The following SIRPG variants were observed in gnomAD, a reference collection of about 807,000 sequenced individuals.
SIRPG encodes the protein signal-regulatory protein gamma.
In SIRPG, 38 loss-of-function variants were observed where a neutral mutation model predicts 35.7. The observed-to-expected ratio is 1.06, with a 90% CI of 0.82 to 1.40. The LOEUF is 1.40. Among genes scored for constraint, SIRPG ranks in the 40% most tolerant of loss-of-function variants. The pLI is 0.00. For synonymous variants in SIRPG, 215 were observed against 190.4 expected, an observed-to-expected ratio of 1.13 and a Z score of -1.06; for missense variants, 519 against 483.0, an observed-to-expected ratio of 1.07 and a Z score of -0.70.
rs948536023 is a variant in SIRPG, at chr20:1,649,223, T to G, written c.259A>C (p.Arg87=). The G allele has an allele frequency of 1.9e-6, 3 of 1,614,056 alleles. No homozygotes were observed. In the African/African-American group the frequency reaches 4.0e-5, roughly 22 times the overall value. Residue 87 remains arginine, a synonymous_variant, in exon 2 of 6, where the codon AGG becomes CGG. Coordinates refer to ENST00000303415, the MANE Select transcript of SIRPG (RefSeq NM_018556.4). Reference sequence around the variant, plus strand: ...GTGAGGTCTGAAACTGTTGTTACCCTGGGGAAGTGGCCTTCTTTTTGATTG... The same window carrying G: ...GTGAGGTCTGAAACTGTTGTTACCCGGGGGAAGTGGCCTTCTTTTTGATTG... ...IYNQKEGHFP[R]VTTVSDLTKR...
At chr20:1,632,168 A>T (rs902989894) in intron 4 of SIRPG, among the ~76,000 whole-genome samples, 1 of 152,192 alleles carries the variant, frequency 6.6e-6, no homozygotes, top group African/African-American at 2.4e-5. Context: ...TCTTCGGTTG[A>T]CTTAAGAGTT....
the SIRPG span, among the ~76,000 whole-genome samples, chr20:1,664,204 C>A: frequency 6.6e-6 from 1 of 152,342 alleles, no homozygotes; most frequent in East Asian, 1.9e-4. Flanking sequence ...GACTCAAACA[C>A]CTCCCATCAG....
rs766529319 is a variant in SIRPG, at chr20:1,630,266, G to T, written c.1122C>A (p.Val374=). The T allele has an allele frequency of 5.7e-6, 9 of 1,574,796 alleles. No homozygotes were observed. The highest frequency in any genetic ancestry group is 6.9e-6 in the Non-Finnish European group (8 of 1,159,498). ...AGGGGACGTAGATGGGGCCCAGGAG[G>T]ACAGCTATGAGGAGCAGCGCAGTAA... ...SSLTALLLIA[V]LLGPIYVPWK... The change falls in exon 5 of 6, where the codon GTC becomes GTA. Residue 374 remains valine (V), a synonymous_variant. Coordinates refer to ENST00000303415, the MANE Select transcript of SIRPG (RefSeq NM_018556.4).
chr20:1,668,050 A>T, the SIRPG span, among the ~76,000 whole-genome samples: 1 of 152,204 alleles, frequency 6.6e-6, no homozygotes, highest in African/African-American at 2.4e-5. Context: ...CATGTTAAGG[A>T]AATTGAATTG....
the SIRPG span, among the ~76,000 whole-genome samples, chr20:1,672,983 T>C: frequency 1.3e-5 from 2 of 152,216 alleles, no homozygotes; most frequent in Non-Finnish European, 2.9e-5. Flanking sequence ...AGCACACAGA[T>C]TAGAGAATCA....
intron 2 of SIRPG, among the ~76,000 whole-genome samples, chr20:1,639,574 C>T (rs544512040): frequency 6.6e-6 from 1 of 152,124 alleles, no homozygotes; most frequent in African/African-American, 2.4e-5. Flanking sequence ...TGTAGGTTGC[C>T]TGTTCACTCT....
At position 1,657,631 on chromosome 20, in the gene SIRPG, G is replaced by A. The variant is rs2091983206; in HGVS notation, c.73+11C>T. 12 of 1,613,886 alleles carry A rather than the reference G, an allele frequency of 7.4e-6. No individual in the cohort carries two copies. The highest frequency in any genetic ancestry group is 1.0e-5 in the Non-Finnish European group (12 of 1,179,766). On this transcript the variant is annotated intron_variant, in intron 1 of 5. Coordinates refer to ENST00000303415, the MANE Select transcript of SIRPG (RefSeq NM_018556.4). Reference sequence around the variant, plus strand: ...CAGGGAGAAAGGGTTCTAGCCCAATGCAATGCTCACCTGTAAGTCCCAGCA... The same window carrying A: ...CAGGGAGAAAGGGTTCTAGCCCAATACAATGCTCACCTGTAAGTCCCAGCA...
chr20:1,656,293 A>G (rs1326451834), intron 1 of SIRPG, among the ~76,000 whole-genome samples: 1 of 152,348 alleles, frequency 6.6e-6, no homozygotes, highest in Middle Eastern at 3.4e-3. Context: ...GGGGACAATG[A>G]ACAGGTTCCT....
chr20:1,681,656 C>A, the SIRPG span, among the ~76,000 whole-genome samples: 1 of 151,236 alleles, frequency 6.6e-6, no homozygotes, highest in Admixed American at 6.6e-5. Context: ...CATGGCAAAA[C>A]CCTGTCTCTA....
At chr20:1,665,322 T>C in the SIRPG span, 20 of 169,920 alleles carry the variant, frequency 1.2e-4, no homozygotes, top group Middle Eastern at 1.1e-3. Context: ...GGCAGAGACA[T>C]CAACCCCCAG....
chr20:1,659,684 A>G (rs1399555816), upstream of SIRPG, among the ~76,000 whole-genome samples: 1 of 152,232 alleles, frequency 6.6e-6, no homozygotes, highest in East Asian at 1.9e-4. Flanking sequence ...CCCGGCTTTT[A>G]GAACTGGAAC....
Position 1,650,767 on chromosome 20 carries a change from C to T in SIRPG, c.74-1359G>A, listed in dbSNP as rs149956344. On this transcript the variant is annotated intron_variant, in intron 1 of 5. Coordinates refer to ENST00000303415, the MANE Select transcript of SIRPG (RefSeq NM_018556.4). ...CAAATTTAAAGACACTGAAGAAATG[C>T]AAGTTTAACTCAAGGATAGAATCTG... Among the ~76,000 whole-genome samples the T allele has an allele frequency of 4.1e-3, 624 of 152,240 alleles. 1 individual carries two copies. Among genetic ancestry groups the T allele is most frequent in the African/African-American group, 0.014 (588 of 41,544 alleles).
In SIRPG at chr20:1,629,925, C is replaced by T. The variant is rs1381477320; in HGVS notation, c.*3-289G>A. Among the ~76,000 whole-genome samples the T allele has an allele frequency of 3.3e-5, 5 of 152,156 alleles. No homozygotes were observed. The South Asian group carries it at 8.3e-4, about 25-fold the overall frequency. Reference sequence around the variant, plus strand: ...GGATTTCTCTGACCCCATGGAGTCCCAGCATTCAAATAATCTACAGATAGC... The same window carrying T: ...GGATTTCTCTGACCCCATGGAGTCCTAGCATTCAAATAATCTACAGATAGC... On this transcript the variant is annotated intron_variant, in intron 5 of 5. Transcript: ENST00000303415.
At chr20:1,638,854 A>G (rs879360137) in intron 2 of SIRPG, among the ~76,000 whole-genome samples, 5 of 141,438 alleles carry the variant, frequency 3.5e-5, no homozygotes, top group Middle Eastern at 3.8e-3. Flanking sequence ...CCCACTTATG[A>G]GTGAGAACAT....
At chr20:1,661,233 T>C (rs1600232195), upstream of SIRPG, among the ~76,000 whole-genome samples, 1 of 151,954 alleles carries the variant, frequency 6.6e-6, no homozygotes, top group African/African-American at 2.4e-5. Context: ...GGAGGTGGAG[T>C]ACGACGATGA....
the SIRPG span, among the ~76,000 whole-genome samples, chr20:1,664,821 C>G: frequency 2.0e-5 from 3 of 152,176 alleles, no homozygotes; most frequent in African/African-American, 7.2e-5. Flanking sequence ...CCTCCTGAGT[C>G]CTGGCGCCCT....
intron 2 of SIRPG, chr20:1,647,165 G>A (rs1231731572): frequency 6.6e-6 from 1 of 152,140 alleles, no homozygotes; most frequent in Non-Finnish European, 1.5e-5. Context: ...TCTTTAAAGA[G>A]GCAACAAATG....
upstream of SIRPG, among the ~76,000 whole-genome samples, chr20:1,658,793 G>A (rs947314762): frequency 6.6e-6 from 1 of 152,160 alleles, no homozygotes; most frequent in Admixed American, 6.5e-5. Context: ...GATCCCTCCT[G>A]CATGCTGAGT....
intron 2 of SIRPG, among the ~76,000 whole-genome samples, chr20:1,642,454 A>T (rs181117351): frequency 6.6e-6 from 1 of 152,238 alleles, no homozygotes; most frequent in East Asian, 1.9e-4. Flanking sequence ...TTTTGAGCCT[A>T]TGTGTGTCTT....
Sources: gnomAD v4.1 joint callset for allele counts (sites outside exome capture counted in the v4.1 genomes callset) on GRCh38, gnomAD v4.1.1 for gene constraint, MANE v1.5 for transcripts, NCBI Gene and HGNC (gene_info 2026-07-23, HGNC 2026-07-21) for gene names.